RAB31: variants seen among roughly 807,000 people sequenced by gnomAD.
RAB31 encodes the protein RAB31, member RAS oncogene family, also known as ras-related protein Rab-31.
Under a neutral mutation model 25.6 loss-of-function variants are expected in RAB31, and 21 were observed. The ratio of observed to expected loss-of-function variants is 0.82; its 90% CI spans 0.58 to 1.18. The LOEUF (loss-of-function observed/expected upper bound fraction) is 1.18. Ranked by LOEUF, RAB31 falls within the 50% of genes most tolerant of loss-of-function variation. The pLI, the probability that RAB31 is intolerant of heterozygous loss-of-function variation, is 0.00. For synonymous variants in RAB31, 87 were observed against 84.0 expected, an observed-to-expected ratio of 1.04 and a Z score of -0.20; for missense variants, 196 against 250.1, an observed-to-expected ratio of 0.78 and a Z score of 1.46.
At chr18:9,713,285 G>A (rs966548958) in intron 1 of RAB31, among the ~76,000 whole-genome samples, 1 of 152,022 alleles carries the variant, frequency 6.6e-6, no homozygotes, top group African/African-American at 2.4e-5. Context: ...TTTTTCTCCC[G>A]AGACTGGCAT....
In RAB31 at chr18:9,822,809, G is replaced by A. The variant is rs184599966; in HGVS notation, c.380+7587G>A. ...AAAACTGAGTCATCCATACGTTGCC[G>A]GTGTGAATGCAAAATGGCACAGCCA... On this transcript the variant is annotated intron_variant, in intron 5 of 6. Transcript: ENST00000578921. Among the ~76,000 whole-genome samples the A allele has an allele frequency of 1.2e-4, 18 of 152,286 alleles. No homozygotes were observed. The East Asian group carries it at 2.3e-3, about 20-fold the overall frequency.
intron 5 of RAB31, among the ~76,000 whole-genome samples, chr18:9,824,669 G>A (rs979043023): frequency 6.6e-6 from 1 of 152,202 alleles, no homozygotes; most frequent in Non-Finnish European, 1.5e-5. Context: ...TCATCTTCTT[G>A]CATGTTCCAG....
intron 1 of RAB31, among the ~76,000 whole-genome samples, chr18:9,760,572 A>C (rs1313945971): frequency 6.6e-6 from 1 of 152,112 alleles, no homozygotes; most frequent in African/African-American, 2.4e-5. Context: ...TCTTATGAGA[A>C]GGGTCAGTAG....
At chr18:9,777,573 C>T (rs941819844) in intron 2 of RAB31, among the ~76,000 whole-genome samples, 14 of 151,998 alleles carry the variant, frequency 9.2e-5, no homozygotes, top group South Asian at 4.1e-4. Flanking sequence ...GTACTTTTTT[C>T]TCTCTCTCTC....
At chr18:9,857,169 A>G (rs896732967) in intron 6 of RAB31, among the ~76,000 whole-genome samples, 31 of 152,192 alleles carry the variant, frequency 2.0e-4, no homozygotes, top group African/African-American at 7.5e-4. Flanking sequence ...CATTTGCTTC[A>G]TCATCAAATG....
At chr18:9,748,262 C>T (rs537226211) in intron 1 of RAB31, among the ~76,000 whole-genome samples, 34 of 152,092 alleles carry the variant, frequency 2.2e-4, no homozygotes, top group Admixed American at 4.6e-4. Flanking sequence ...CTTGGGAGGC[C>T]GAAGCAGGAG....
chr18:9,792,773 C>A (rs1282290256), intron 3 of RAB31, among the ~76,000 whole-genome samples: 1 of 152,136 alleles, frequency 6.6e-6, no homozygotes, highest in African/African-American at 2.4e-5. Flanking sequence ...TGGGATCTGG[C>A]AGTACACTGA....
intron 1 of RAB31, among the ~76,000 whole-genome samples, chr18:9,739,497 G>A (rs559882410): frequency 2.3e-4 from 35 of 151,556 alleles, no homozygotes; most frequent in African/African-American, 8.0e-4. Flanking sequence ...TAAGAATTCA[G>A]ACTCAGGGTG....
intron 1 of RAB31, among the ~76,000 whole-genome samples, chr18:9,719,323 ATATATAAATAAAT>A (rs2068062088): frequency 1.2e-5 from 1 of 84,982 alleles, no homozygotes; most frequent in East Asian, 5.0e-4. Context: ...ATATATATAT[ATATATAAATAAAT>A]AAATTTGATC....
At chr18:9,848,784 A>G (rs1376515133) in intron 6 of RAB31, among the ~76,000 whole-genome samples, 1 of 152,248 alleles carries the variant, frequency 6.6e-6, no homozygotes, top group Admixed American at 6.5e-5. Flanking sequence ...AACAAAATGA[A>G]TTCACATTGA....
chr18:9,795,495 G>A (rs1465613734), intron 3 of RAB31, among the ~76,000 whole-genome samples: 1 of 152,056 alleles, frequency 6.6e-6, no homozygotes, highest in African/African-American at 2.4e-5. Flanking sequence ...ATCTGACAAA[G>A]GACTAATATC....
At chr18:9,813,401 A>G (rs912609053) in intron 3 of RAB31, among the ~76,000 whole-genome samples, 1 of 152,192 alleles carries the variant, frequency 6.6e-6, no homozygotes, top group Non-Finnish European at 1.5e-5. Context: ...TCAGTCAGTT[A>G]TATTAGAGAA....
rs933597351 is a variant in RAB31, at chr18:9,861,104, A to G, written c.*1779A>G. On this transcript the variant is annotated 3_prime_UTR_variant, in exon 7 of 7. Transcript: ENST00000578921. ...AATGATCATACCCCTTGCCAAAGGT[A>G]AAAAAAAAAAAAAAAAAATGAGTTG... is the stretch of plus-strand genomic sequence containing the variant. 3 of 111,528 alleles carry G rather than the reference A, an allele frequency of 2.7e-5. No individual in the cohort carries two copies. The highest frequency in any genetic ancestry group is 1.0e-4 in the African/African-American group (3 of 29,342). 6.9% of individuals were successfully genotyped at this position (111,528 alleles called of 1,614,324 possible).
chr18:9,743,891 G>T (rs1264589279), intron 1 of RAB31, among the ~76,000 whole-genome samples: 3 of 152,152 alleles, frequency 2.0e-5, no homozygotes, highest in Non-Finnish European at 4.4e-5. Context: ...TGGGAAGATG[G>T]GCAGCTGACT....
chr18:9,812,337 A>G (rs1366912712), intron 3 of RAB31, among the ~76,000 whole-genome samples: 1 of 152,214 alleles, frequency 6.6e-6, no homozygotes, highest in Non-Finnish European at 1.5e-5. Flanking sequence ...TCACTCCAGT[A>G]TATATTCCTC....
At chr18:9,809,833 G>A (rs952882533) in intron 3 of RAB31, among the ~76,000 whole-genome samples, 1 of 152,162 alleles carries the variant, frequency 6.6e-6, no homozygotes, top group Non-Finnish European at 1.5e-5. Flanking sequence ...CAAAGTATCT[G>A]AACATTTGCA....
At chr18:9,783,599 A>C (rs1434382477) in intron 2 of RAB31, among the ~76,000 whole-genome samples, 1 of 152,168 alleles carries the variant, frequency 6.6e-6, no homozygotes, top group Non-Finnish European at 1.5e-5. Flanking sequence ...TTGTCTAATA[A>C]AATTTTTAAA....
intron 1 of RAB31, among the ~76,000 whole-genome samples, chr18:9,739,153 G>A (rs1028434151): frequency 2.6e-5 from 4 of 152,174 alleles, no homozygotes; most frequent in African/African-American, 4.8e-5. Flanking sequence ...AATACATCTC[G>A]TAAATTTGGA....
At chr18:9,806,724 G>C (rs1160782503) in intron 3 of RAB31, among the ~76,000 whole-genome samples, 1 of 152,208 alleles carries the variant, frequency 6.6e-6, no homozygotes, top group East Asian at 1.9e-4. Context: ...GTTAACATAA[G>C]ATGATGTCAA....
Sources: allele counts gnomAD v4.1 joint callset (sites outside exome capture counted in the v4.1 genomes callset), GRCh38; gene constraint gnomAD v4.1.1; transcripts MANE v1.5; gene names NCBI Gene and HGNC (gene_info 2026-07-23, HGNC 2026-07-21).